The following CLUAP1 variants were observed in gnomAD, a reference collection of about 807,000 sequenced individuals.
CLUAP1 encodes clusterin-associated protein 1.
CLUAP1 carries 50 observed loss-of-function variants against 55.0 expected under a neutral mutation model. That is an observed-to-expected ratio of 0.91 (90% CI 0.72 to 1.15). CLUAP1 has a LOEUF of 1.15. Ranked by LOEUF, CLUAP1 falls within the 50% of genes most tolerant of loss-of-function variation. The probability of loss-of-function intolerance (pLI) is 0.00; values close to 1 mark genes in which losing one functional copy is unlikely to be tolerated. For synonymous variants in CLUAP1, 195 were observed against 175.4 expected, an observed-to-expected ratio of 1.11 and a Z score of -0.88; for missense variants, 530 against 507.6, an observed-to-expected ratio of 1.04 and a Z score of -0.42.
In CLUAP1 at chr16:3,526,541, A is replaced by G. The variant is rs1031588176; in HGVS notation, c.928+57A>G. The stretch of plus-strand genomic sequence containing the variant: ...CTCTGGACTAGTATTTTCAGCCTTG[A>G]AATATATATAGAGAGATATATATAT... On this transcript the variant is annotated intron_variant, in intron 9 of 11. Transcript: ENST00000576634. 6 of 1,167,664 alleles carry G rather than the reference A, an allele frequency of 5.1e-6. No homozygotes were observed. The African/African-American group carries it at 9.6e-5, about 19-fold the overall frequency. 72.3% of individuals were successfully genotyped at this position (1,167,664 alleles called of 1,614,324 possible). A position where few individuals can be genotyped will look rare whatever the true frequency, so the allele number is the denominator to read the frequency against.
chr16:3,538,070 TAAA>T lies in CLUAP1; in HGVS notation c.*1802_*1804del, dbSNP rs1315149955. ...AAACAGTTTTCACTTATTTTACAAT[TAAA>T]AAGTCAGAAGACTTCTGAAGTTACT... is the stretch of plus-strand genomic sequence containing the variant. On this transcript the variant is annotated 3_prime_UTR_variant, in exon 12 of 12. Transcript: ENST00000576634. 6.6e-6 allele frequency: 1 copy of T among 151,510 alleles called. No homozygotes were observed. Among genetic ancestry groups the T allele is most frequent in the East Asian group, 1.9e-4 (1 of 5,190 alleles). The allele number at this position is 151,510 out of a possible 1,614,324, so 9.4% of individuals were successfully genotyped here. A position where few individuals can be genotyped will look rare whatever the true frequency, so the allele number is the denominator to read the frequency against.
intron 4 of CLUAP1, 82 bp downstream of exon 4, chr16:3,508,550 C>G (rs766360231): frequency 2.4e-6 from 3 of 1,273,740 alleles, no homozygotes; most frequent in Non-Finnish European, 3.2e-6. Flanking sequence ...GCTACAGCTC[C>G]GCTGCTTTTC....
At position 3,522,908 on chromosome 16, in the gene CLUAP1, T is replaced by A. The variant is rs145285997; in HGVS notation, c.714-250T>A. Among the ~76,000 whole-genome samples the A allele has an allele frequency of 5.9e-5, 9 of 152,310 alleles. No homozygotes were observed. The East Asian group carries it at 1.5e-3, about 26-fold the overall frequency. On this transcript the variant is annotated intron_variant, in intron 7 of 11. Coordinates refer to ENST00000576634, the MANE Select transcript of CLUAP1 (RefSeq NM_015041.3). The stretch of plus-strand genomic sequence containing the variant: ...GGATTATCAGTAATTTTTACGTCAT[T>A]CTTCATACTTTCAGGATTATTTCAA...
intron 9 of CLUAP1, among the ~76,000 whole-genome samples, chr16:3,528,618 C>T (rs555249024): frequency 3.3e-5 from 5 of 152,112 alleles, no homozygotes; most frequent in African/African-American, 4.8e-5. Context: ...TGCTTGCATC[C>T]CATGCTGTCC....
chr16:3,522,750 T>C (rs970650055), intron 7 of CLUAP1, among the ~76,000 whole-genome samples: 7 of 152,174 alleles, frequency 4.6e-5, no homozygotes, highest in South Asian at 2.1e-4. Flanking sequence ...TTACGGTATA[T>C]TGAAATGAAA....
upstream of CLUAP1, chr16:3,496,526 C>A: frequency 1.7e-6 from 1 of 571,542 alleles, no homozygotes; most frequent in Non-Finnish European, 3.4e-6. Flanking sequence ...CCGTGACCAG[C>A]CGGCCCACAG....
At chr16:3,513,020 A>G (rs972496041) in intron 5 of CLUAP1, among the ~76,000 whole-genome samples, 1 of 152,296 alleles carries the variant, frequency 6.6e-6, no homozygotes, top group African/African-American at 2.4e-5. Context: ...TGGCAGCTCC[A>G]TGGCATGTGA....
intron 9 of CLUAP1, among the ~76,000 whole-genome samples, chr16:3,529,454 T>TATATAA (rs1463907444): frequency 2.7e-5 from 2 of 72,814 alleles, no homozygotes; most frequent in East Asian, 3.1e-4. Flanking sequence ...TTATATATTA[T>TATATAA]TATATATAAT....
chr16:3,501,948 A>G (rs2037412127), intron 1 of CLUAP1: 1 of 152,122 alleles, frequency 6.6e-6, no homozygotes, highest in Admixed American at 6.5e-5. Flanking sequence ...TGTATTTGGT[A>G]GTGAGGAAAC....
chr16:3,508,248 G>A, intron 3 of CLUAP1, 41 bp from the exon 4 acceptor site: 3 of 1,555,252 alleles, frequency 1.9e-6, no homozygotes, highest in South Asian at 1.2e-5. Context: ...ACATTACATG[G>A]AAAGGGCCTT....
At chr16:3,535,961 C>A in intron 11 of CLUAP1, 161 bp from the exon 12 acceptor site, 1 of 726,112 alleles carries the variant, frequency 1.4e-6, no homozygotes, top group Non-Finnish European at 2.2e-6. Flanking sequence ...AGTACATAGC[C>A]TCAGTCCCAT....
At chr16:3,529,064 A>T (rs1392345236) in intron 9 of CLUAP1, among the ~76,000 whole-genome samples, 4 of 151,794 alleles carry the variant, frequency 2.6e-5, no homozygotes, top group African/African-American at 2.4e-5. Context: ...TCTGCGAAGA[A>T]CTGGTGCCAG....
intron 3 of CLUAP1, 27 bp from the exon 4 acceptor site, chr16:3,508,262 C>A: frequency 7.2e-7 from 1 of 1,387,214 alleles, no homozygotes; most frequent in East Asian, 2.5e-5. Flanking sequence ...GGGCCTTCAA[C>A]TTTTTTTTTT....
intron 1 of CLUAP1, among the ~76,000 whole-genome samples, chr16:3,503,865 G>A (rs1596381919): frequency 6.6e-6 from 1 of 152,164 alleles, no homozygotes; most frequent in African/African-American, 2.4e-5. Flanking sequence ...GTCTTGCGAA[G>A]TCTGACCTGA....
At chr16:3,500,776 C>G, upstream of CLUAP1, 1 of 499,994 alleles carries the variant, frequency 2.0e-6, no homozygotes, top group Non-Finnish European at 3.6e-6. Flanking sequence ...TCACCCAGCG[C>G]GAAACGTCCG....
At chr16:3,496,393 T>C, upstream of CLUAP1, 1 of 1,169,762 alleles carries the variant, frequency 8.5e-7, no homozygotes, top group Non-Finnish European at 1.2e-6. Flanking sequence ...CTCTGTCCGT[T>C]TCCCGGATGA....
chr16:3,505,679 C>T (rs770497337), intron 2 of CLUAP1, among the ~76,000 whole-genome samples: 8 of 152,114 alleles, frequency 5.3e-5, no homozygotes, highest in Non-Finnish European at 8.8e-5. Context: ...TTCAGCCCCT[C>T]ATGGCAGAGT....
chr16:3,520,043 A>G lies in CLUAP1; in HGVS notation c.713+7A>G. On this transcript the variant is annotated splice_region_variant and intron_variant, in intron 7 of 11. Transcript: ENST00000576634. ...AGACTCTGCAGAGTGTCAGGTAGAT[A>G]TGAACACTTGGAGAATGAGTAGAAA... 6.2e-7 allele frequency: 1 copy of G among 1,601,872 alleles called. No homozygotes were observed. The highest frequency in any genetic ancestry group is 8.5e-7 in the Non-Finnish European group (1 of 1,176,616).
chr16:3,512,704 G>A (rs935373461), intron 5 of CLUAP1, among the ~76,000 whole-genome samples: 11 of 151,804 alleles, frequency 7.2e-5, no homozygotes, highest in Non-Finnish European at 8.8e-5. Context: ...TTTTTGAGAC[G>A]GAGTCTCGCT....
Sources: gnomAD v4.1 joint callset for allele counts (sites outside exome capture counted in the v4.1 genomes callset) on GRCh38, gnomAD v4.1.1 for gene constraint, MANE v1.5 for transcripts, NCBI Gene and HGNC (gene_info 2026-07-23, HGNC 2026-07-21) for gene names.